Variants in STK32B observed in about 807,000 individuals in gnomAD.
STK32B encodes the protein serine/threonine kinase 32B.
A neutral mutation model predicts 52.6 loss-of-function variants in STK32B; 43 were observed. The ratio of observed to expected loss-of-function variants is 0.82; its 90% CI spans 0.64 to 1.05. The LOEUF is 1.05. Among genes scored for constraint, STK32B ranks in the 50% least tolerant of loss-of-function variants. The pLI, the probability that STK32B is intolerant of heterozygous loss-of-function variation, is 0.00. For synonymous variants in STK32B, 238 were observed against 204.3 expected (o/e 1.17, Z -1.41); for missense variants, 621 against 534.6 (o/e 1.16, Z -1.59).
chr4:5,068,271 C>T (rs759906844), intron 1 of STK32B, among the ~76,000 whole-genome samples: 1 of 152,158 alleles, frequency 6.6e-6, no homozygotes, highest in Non-Finnish European at 1.5e-5. Context: ...TTTCATCCCT[C>T]ACTCCTTTCC....
chr4:5,052,295 G>A (rs140038635), intron 1 of STK32B, among the ~76,000 whole-genome samples: 219 of 152,260 alleles, frequency 1.4e-3, no homozygotes, highest in Admixed American at 4.0e-3. Context: ...GCTGACGGAG[G>A]TGGCCTGGAA....
chr4:5,200,639 C>T (rs977646689), intron 3 of STK32B, among the ~76,000 whole-genome samples: 29 of 152,202 alleles, frequency 1.9e-4, no homozygotes, highest in African/African-American at 7.0e-4. Flanking sequence ...AAAAACTAGG[C>T]TTAGGCTCAA....
chr4:5,092,229 C>T (rs1232888520), intron 1 of STK32B, among the ~76,000 whole-genome samples: 1 of 152,216 alleles, frequency 6.6e-6, no homozygotes, highest in African/African-American at 2.4e-5. Context: ...TATTCTCACA[C>T]TGCTATAAAG....
chr4:5,123,613 C>T (rs1156733027), intron 1 of STK32B, among the ~76,000 whole-genome samples: 2 of 152,140 alleles, frequency 1.3e-5, no homozygotes, highest in African/African-American at 4.8e-5. Flanking sequence ...ATACGGCCAC[C>T]TTCCCTCTGT....
chr4:5,407,935 C>G (rs932656810), intron 5 of STK32B, among the ~76,000 whole-genome samples: 7 of 152,066 alleles, frequency 4.6e-5, no homozygotes, highest in African/African-American at 1.7e-4. Context: ...GATAAGTGCC[C>G]TTATTAAAGG....
At chr4:5,294,613 C>T (rs984741631) in intron 3 of STK32B, among the ~76,000 whole-genome samples, 3 of 152,060 alleles carry the variant, frequency 2.0e-5, no homozygotes, top group East Asian at 1.9e-4. Context: ...TAATTTTTCC[C>T]ATTGATTTTG....
At chr4:5,388,132 G>T (rs1736375476) in intron 4 of STK32B, among the ~76,000 whole-genome samples, 1 of 152,184 alleles carries the variant, frequency 6.6e-6, no homozygotes, top group African/African-American at 2.4e-5. Context: ...AGAAGATAAT[G>T]CTGGGTCTCT....
intron 11 of STK32B, among the ~76,000 whole-genome samples, chr4:5,486,729 G>T (rs1719251163): frequency 6.6e-6 from 1 of 152,184 alleles, no homozygotes; most frequent in South Asian, 2.1e-4. Context: ...CCTATTTAGG[G>T]GACTGGAGCT....
chr4:5,424,767 G>A (rs1418023594), intron 6 of STK32B, among the ~76,000 whole-genome samples: 1 of 144,346 alleles, frequency 6.9e-6, no homozygotes, highest in African/African-American at 2.6e-5. Flanking sequence ...TGAAAGAGCT[G>A]TAACACAAAC....
intron 6 of STK32B, among the ~76,000 whole-genome samples, chr4:5,434,452 G>GTATATATA (rs1182103278): frequency 1.8e-3 from 257 of 143,200 alleles, no homozygotes; most frequent in Middle Eastern, 7.2e-3. Flanking sequence ...GTGTGTGTGT[G>GTATATATA]TGTATATATA....
At chr4:5,317,060 G>T (rs1221217618) in intron 3 of STK32B, among the ~76,000 whole-genome samples, 23 of 25,252 alleles carry the variant, frequency 9.1e-4, no homozygotes, top group East Asian at 2.1e-3. Flanking sequence ...TAATATATAT[G>T]ATATAATATA....
chr4:5,317,224 T>TATATATAACATATATATTATA (rs1491141469), intron 3 of STK32B, among the ~76,000 whole-genome samples: 2 of 38,676 alleles, frequency 5.2e-5, no homozygotes, highest in African/African-American at 6.8e-4. Flanking sequence ...CATATATATA[T>TATATATAACATATATATTATA]TATATATAAC....
chr4:5,455,831 A>T (rs371546351), intron 7 of STK32B, among the ~76,000 whole-genome samples: 1 of 152,140 alleles, frequency 6.6e-6, no homozygotes, highest in Non-Finnish European at 1.5e-5. Context: ...GACAGACAGC[A>T]CTAATTTTAC....
At chr4:5,111,054 C>T (rs1472820046) in intron 1 of STK32B, among the ~76,000 whole-genome samples, 1 of 151,798 alleles carries the variant, frequency 6.6e-6, no homozygotes, top group Non-Finnish European at 1.5e-5. Context: ...AAATTAAGAC[C>T]ACATTGAGAT....
intron 4 of STK32B, among the ~76,000 whole-genome samples, chr4:5,340,982 G>A (rs990519064): frequency 2.0e-5 from 3 of 152,144 alleles, no homozygotes; most frequent in Non-Finnish European, 4.4e-5. Flanking sequence ...ACACACAGCT[G>A]GCAGGTCATG....
intron 3 of STK32B, among the ~76,000 whole-genome samples, chr4:5,275,838 G>A (rs966294974): frequency 6.6e-6 from 1 of 152,012 alleles, no homozygotes; most frequent in African/African-American, 2.4e-5. Context: ...GGAGAAGGGG[G>A]ATGCCAGTGC....
intron 2 of STK32B, among the ~76,000 whole-genome samples, chr4:5,142,693 T>TA (rs1447909237): frequency 1.3e-5 from 2 of 152,166 alleles, no homozygotes; most frequent in Admixed American, 6.5e-5. Flanking sequence ...AAATCAGACA[T>TA]AAAAAACAGT....
chr4:5,451,848 T>G (rs530582508), intron 7 of STK32B, among the ~76,000 whole-genome samples: 4 of 152,184 alleles, frequency 2.6e-5, no homozygotes, highest in Non-Finnish European at 4.4e-5. Context: ...CCAGGAGGAC[T>G]AAGTGGGATC....
At chr4:5,097,535 G>A (rs1354286012) in intron 1 of STK32B, among the ~76,000 whole-genome samples, 1 of 152,212 alleles carries the variant, frequency 6.6e-6, no homozygotes, top group African/African-American at 2.4e-5. Flanking sequence ...TCTCTCTCAT[G>A]TGTTGTCCTT....
Sources: gnomAD v4.1 joint callset for allele counts (sites outside exome capture counted in the v4.1 genomes callset) on GRCh38, gnomAD v4.1.1 for gene constraint, MANE v1.5 for transcripts, NCBI Gene and HGNC (gene_info 2026-07-23, HGNC 2026-07-21) for gene names.